The following BLTP1 variants were observed in gnomAD, a reference collection of about 807,000 sequenced individuals.
BLTP1 encodes bridge-like lipid transfer protein family member 1.
chr4:122,212,380 A>T, the BLTP1 span, among the ~76,000 whole-genome samples: 1 of 152,256 alleles, frequency 6.6e-6, no homozygotes, highest in Middle Eastern at 3.4e-3. Flanking sequence ...TATGTCTCCC[A>T]ATGTCTTACT....
the BLTP1 span, among the ~76,000 whole-genome samples, chr4:122,213,024 G>A: frequency 6.6e-6 from 1 of 152,100 alleles, no homozygotes; most frequent in Non-Finnish European, 1.5e-5. Context: ...AATTCTTTGA[G>A]TTTCTGGTTT....
At chr4:122,266,645 C>A in the BLTP1 span, 2 of 616,902 alleles carry the variant, frequency 3.2e-6, no homozygotes, top group South Asian at 4.0e-5. Flanking sequence ...TATATGAGAC[C>A]ATTTTTGCTT....
At chr4:122,341,815 A>G in the BLTP1 span, 1 of 985,422 alleles carries the variant, frequency 1.0e-6, no homozygotes, top group Non-Finnish European at 1.2e-6. Flanking sequence ...TTGGAGAAAC[A>G]AGTAATAGCC....
the BLTP1 span, chr4:122,162,723 T>TAAC: frequency 4.6e-6 from 4 of 878,610 alleles, no homozygotes; most frequent in Non-Finnish European, 5.3e-6. Context: ...AATGGGGTTA[T>TAAC]AACAACAACA....
chr4:122,255,148 T>TC, the BLTP1 span: 1 of 1,604,190 alleles, frequency 6.2e-7, no homozygotes. Flanking sequence ...GTGTACATTT[T>TC]CCCCTAAGAA....
the BLTP1 span, chr4:122,208,594 T>G: frequency 1.8e-4 from 177 of 976,026 alleles, no homozygotes; most frequent in Middle Eastern, 5.3e-4. Flanking sequence ...AAACTGAACT[T>G]AAAAAAAATA....
the BLTP1 span, chr4:122,336,700 G>A: frequency 1.1e-6 from 1 of 932,636 alleles, no homozygotes; most frequent in Non-Finnish European, 1.3e-6. Context: ...AGGAAAATTT[G>A]AGTTTGGGGG....
chr4:122,231,967 A>G, the BLTP1 span: 12 of 804,846 alleles, frequency 1.5e-5, no homozygotes, highest in Non-Finnish European at 1.8e-5. Context: ...TGTGTAAAAT[A>G]AATTGGATTT....
At chr4:122,318,505 T>C in the BLTP1 span, among the ~76,000 whole-genome samples, 12 of 152,302 alleles carry the variant, frequency 7.9e-5, no homozygotes, top group African/African-American at 2.9e-4. Flanking sequence ...GGGAAGACAA[T>C]AGTCAAACCT....
chr4:122,291,966 GTTTTT>G, the BLTP1 span: 6 of 118,246 alleles, frequency 5.1e-5, no homozygotes, highest in Non-Finnish European at 8.2e-5. Context: ...GCATCAAACA[GTTTTT>G]TTTTTTTTTT....
chr4:122,235,936 A>T, the BLTP1 span, among the ~76,000 whole-genome samples: 1 of 152,228 alleles, frequency 6.6e-6, no homozygotes, highest in African/African-American at 2.4e-5. Flanking sequence ...GACTTCAGAA[A>T]CAGATTTTTC....
the BLTP1 span, chr4:122,263,583 A>C: frequency 6.2e-7 from 1 of 1,607,280 alleles, no homozygotes. Context: ...AAATCAGGAC[A>C]CAATAGTCTT....
chr4:122,246,557 G>T, the BLTP1 span: 1 of 1,195,878 alleles, frequency 8.4e-7, no homozygotes. Flanking sequence ...GTATTCATAA[G>T]CTTTGTCTTC....
chr4:122,239,523 A>G, the BLTP1 span: 10 of 1,569,714 alleles, frequency 6.4e-6, no homozygotes, highest in Admixed American at 1.2e-4. Flanking sequence ...TAGTATCCCT[A>G]CAGAAATTTC....
chr4:122,357,044 T>C, the BLTP1 span: 5 of 982,562 alleles, frequency 5.1e-6, no homozygotes, highest in Non-Finnish European at 4.8e-6. Flanking sequence ...TGTGAGAAAA[T>C]ACTGCAAATC....
the BLTP1 span, chr4:122,219,234 A>G: frequency 1.5e-5 from 22 of 1,483,568 alleles, no homozygotes; most frequent in East Asian, 2.3e-5. Context: ...TTTTTATTAA[A>G]TATAATAGGT....
chr4:122,358,889 T>G, the BLTP1 span, among the ~76,000 whole-genome samples: 22 of 152,126 alleles, frequency 1.4e-4, no homozygotes, highest in Non-Finnish European at 2.1e-4. Flanking sequence ...GATTACACTT[T>G]ATATATAATT....
chr4:122,297,661 T>C, the BLTP1 span, among the ~76,000 whole-genome samples: 8 of 152,296 alleles, frequency 5.3e-5, no homozygotes, highest in African/African-American at 1.7e-4. Context: ...TCAACCTAAA[T>C]GCCCATCAAT....
the BLTP1 span, among the ~76,000 whole-genome samples, chr4:122,228,564 A>G: frequency 5.3e-5 from 8 of 152,226 alleles, no homozygotes; most frequent in African/African-American, 1.9e-4. Flanking sequence ...TATTGGGCCA[A>G]TAATTTAATC....
Sources: gnomAD v4.1 joint callset for allele counts (sites outside exome capture counted in the v4.1 genomes callset) on GRCh38, gnomAD v4.1.1 for gene constraint, MANE v1.5 for transcripts, NCBI Gene and HGNC (gene_info 2026-07-23, HGNC 2026-07-21) for gene names.